SYNCRIP: variants seen among roughly 807,000 people sequenced by gnomAD.
SYNCRIP encodes the protein heterogeneous nuclear ribonucleoprotein Q.
Under a neutral mutation model 68.9 loss-of-function variants are expected in SYNCRIP, and 9 were observed. That is an observed-to-expected ratio of 0.13 (90% CI 0.08 to 0.23). The LOEUF (loss-of-function observed/expected upper bound fraction) is 0.23, where lower values mean the gene tolerates loss of function less well. Among genes scored for constraint, SYNCRIP ranks in the 10% least tolerant of loss-of-function variants. SYNCRIP has a pLI of 1.00. For synonymous variants in SYNCRIP, 258 were observed against 254.0 expected (o/e 1.02, Z -0.15); for missense variants, 414 against 770.6 (o/e 0.54, Z 5.48).
intron 6 of SYNCRIP, among the ~76,000 whole-genome samples, chr6:85,635,868 G>A (rs947875514): frequency 2.6e-5 from 4 of 151,488 alleles, no homozygotes; most frequent in Non-Finnish European, 5.9e-5. Flanking sequence ...CATGGTAAAG[G>A]AAGGGGTAAA....
At chr6:85,634,347 T>A (rs868538629) in intron 6 of SYNCRIP, among the ~76,000 whole-genome samples, 1 of 152,162 alleles carries the variant, frequency 6.6e-6, no homozygotes, top group Non-Finnish European at 1.5e-5. Flanking sequence ...TCACCTACCA[T>A]AATTGGTACA....
intron 8 of SYNCRIP, among the ~76,000 whole-genome samples, chr6:85,621,589 G>A (rs1469038386): frequency 2.2e-5 from 3 of 137,594 alleles, no homozygotes; most frequent in African/African-American, 8.4e-5. Context: ...CTGGGCCACA[G>A]ATCTAGACCC....
At chr6:85,637,481 T>A in intron 4 of SYNCRIP, 125 bp from the exon 5 acceptor site, 1 of 623,566 alleles carries the variant, frequency 1.6e-6, no homozygotes, top group Non-Finnish European at 2.8e-6. Flanking sequence ...TAAAAACAGG[T>A]TTGTGATGTC....
chr6:85,633,891 G>C (rs1421446150), intron 6 of SYNCRIP, among the ~76,000 whole-genome samples: 3 of 151,888 alleles, frequency 2.0e-5, no homozygotes, highest in Non-Finnish European at 4.4e-5. Flanking sequence ...CAAAGTGCTG[G>C]GACTACAGGT....
downstream of SYNCRIP, chr6:85,610,116 G>T (rs575559244): frequency 2.0e-5 from 3 of 151,814 alleles, no homozygotes; most frequent in South Asian, 6.2e-4. Flanking sequence ...GTTTTTCCTT[G>T]ATCTGATAAG....
At position 85,640,149 on chromosome 6, in the gene SYNCRIP, C is replaced by A. The variant is rs1201827904; in HGVS notation, c.375+72G>T. ...ATCTAACATACATCCATTTCATACCCAAGGAATATTTACCAAAATTAGGAA... is the reference window on the plus strand; with the variant it reads ...ATCTAACATACATCCATTTCATACCAAAGGAATATTTACCAAAATTAGGAA... On this transcript the variant is annotated intron_variant, in intron 4 of 10. Transcript: ENST00000369622. The A allele has an allele frequency of 2.9e-6, 3 of 1,022,370 alleles. No individual in the cohort carries two copies. The East Asian group carries it at 7.2e-5, about 24-fold the overall frequency. The allele number at this position is 1,022,370 out of a possible 1,614,324, so 63.3% of individuals were successfully genotyped here.
intron 10 of SYNCRIP, among the ~76,000 whole-genome samples, chr6:85,618,351 G>A (rs904698299): frequency 6.6e-6 from 1 of 151,686 alleles, no homozygotes; most frequent in Non-Finnish European, 1.5e-5. Context: ...GACCAACCTG[G>A]CCAACATGAC....
chr6:85,620,962 T>C (rs185701199), intron 8 of SYNCRIP, among the ~76,000 whole-genome samples: 15 of 152,298 alleles, frequency 9.8e-5, no homozygotes, highest in Admixed American at 8.5e-4. Flanking sequence ...CCAAAACTAA[T>C]TAGGACCTGC....
At chr6:85,622,437 T>A in intron 8 of SYNCRIP, 45 bp downstream of exon 8, 2 of 1,496,514 alleles carry the variant, frequency 1.3e-6, no homozygotes, top group Non-Finnish European at 1.9e-6. Flanking sequence ...CCGGCCCTTC[T>A]CCCATTAATC....
At position 85,640,447 on chromosome 6, in the gene SYNCRIP, T is replaced by C. The variant is rs1432090368; in HGVS notation, c.266A>G (p.Gln89Arg). Reference sequence around the variant, plus strand: ...TTTTCACATTGACATTAACATTACCTGAACATGAGAGAGATCACTGTCTTT... The same window carrying C: ...TTTTCACATTGACATTAACATTACCCGAACATGAGAGAGATCACTGTCTTT... Reference protein sequence around the residue: ...QFKDSDLSHVQNKSAFLCGVM... With the variant: ...QFKDSDLSHVRNKSAFLCGVM... Residue 89 changes from glutamine to arginine, a missense_variant and splice_region_variant, in exon 3 of 11, where the codon CAG (glutamine) becomes CGG (arginine). Around this residue, in one of 6 missense-constraint regions of SYNCRIP, gnomAD observed 110 missense variants for 269.3 expected, o/e 0.41. Transcript: ENST00000369622. 1 of 1,598,598 alleles carries C rather than the reference T, an allele frequency of 6.3e-7. No individual in the cohort carries two copies.
intron 4 of SYNCRIP, among the ~76,000 whole-genome samples, chr6:85,639,416 A>G (rs1376709836): frequency 6.6e-6 from 1 of 152,226 alleles, no homozygotes; most frequent in Non-Finnish European, 1.5e-5. Context: ...ACTCACAGCT[A>G]GATCTGTGAA....
At chr6:85,629,429 C>T (rs975066377) in intron 6 of SYNCRIP, among the ~76,000 whole-genome samples, 1 of 146,724 alleles carries the variant, frequency 6.8e-6, no homozygotes, top group South Asian at 2.1e-4. Flanking sequence ...CAACTACATT[C>T]ATCAAAATGG....
At chr6:85,640,389 G>A (rs959480991) in intron 3 of SYNCRIP, 57 bp downstream of exon 3, 3 of 1,577,652 alleles carry the variant, frequency 1.9e-6, no homozygotes, top group African/African-American at 1.4e-5. Flanking sequence ...ATAAAATTCA[G>A]CAGATAGTAT....
In SYNCRIP at chr6:85,624,191, C is replaced by CAAAT. The variant is rs1039312364; in HGVS notation, c.667-83_667-80dup. The CAAAT allele has an allele frequency of 1.1e-5, 15 of 1,386,324 alleles. No homozygotes were observed. The African/African-American group carries it at 1.9e-4, about 17-fold the overall frequency. The allele number at this position is 1,386,324 out of a possible 1,614,324, so 85.9% of individuals were successfully genotyped here. The stretch of plus-strand genomic sequence containing the variant: ...GTTAATTATAAAAGATACACAAGAG[C>CAAAT]AAATCATCCTTTAAAAAGTAGTTTA... On this transcript the variant is annotated intron_variant, in intron 6 of 10. Coordinates refer to ENST00000369622, the MANE Select transcript of SYNCRIP (RefSeq NM_006372.5).
intron 10 of SYNCRIP, among the ~76,000 whole-genome samples, chr6:85,616,090 T>A (rs147088972): frequency 2.0e-5 from 3 of 152,306 alleles, no homozygotes; most frequent in South Asian, 4.1e-4. Context: ...AGGTATAACT[T>A]TAGTTGTCAA....
intron 4 of SYNCRIP, 48 bp downstream of exon 4, chr6:85,640,173 A>T: frequency 7.6e-7 from 1 of 1,312,492 alleles, no homozygotes; most frequent in Non-Finnish European, 1.1e-6. Context: ...CAAAATTAGG[A>T]AACAGTTAAA....
chr6:85,614,066 A>G lies in SYNCRIP; in HGVS notation c.*690T>C. Reference sequence around the variant, plus strand: ...AACCAGAAGCAGAAAACTGCAATAAATCAGTGTTGTGTAATGTGCAGACAT... The same window carrying G: ...AACCAGAAGCAGAAAACTGCAATAAGTCAGTGTTGTGTAATGTGCAGACAT... On this transcript the variant is annotated 3_prime_UTR_variant, in exon 11 of 11. Coordinates refer to ENST00000369622, the MANE Select transcript of SYNCRIP (RefSeq NM_006372.5). 1 of 985,866 alleles carries G rather than the reference A, an allele frequency of 1.0e-6. No individual in the cohort carries two copies. The highest frequency in any genetic ancestry group is 1.7e-5 in the African/African-American group (1 of 57,354). 61.1% of individuals were successfully genotyped at this position (985,866 alleles called of 1,614,324 possible). A position where few individuals can be genotyped will look rare whatever the true frequency, so the allele number is the denominator to read the frequency against.
At chr6:85,631,318 G>A (rs1223154445) in intron 6 of SYNCRIP, among the ~76,000 whole-genome samples, 1 of 126,910 alleles carries the variant, frequency 7.9e-6, no homozygotes, top group Non-Finnish European at 1.6e-5. Context: ...CAGCCTGGGT[G>A]ACAAAGCATG....
chr6:85,613,501 C>T (rs1393315846), downstream of SYNCRIP, among the ~76,000 whole-genome samples: 2 of 152,064 alleles, frequency 1.3e-5, no homozygotes, highest in Non-Finnish European at 2.9e-5. Flanking sequence ...AGTCTGTCCC[C>T]CAAAACTCTA....
Sources: allele counts gnomAD v4.1 joint callset (sites outside exome capture counted in the v4.1 genomes callset), GRCh38; gene constraint gnomAD v4.1.1; regional missense constraint gnomAD v4.1.1; transcripts MANE v1.5; gene names NCBI Gene and HGNC (gene_info 2026-07-23, HGNC 2026-07-21).